Variants in FGF13 observed in about 807,000 individuals in gnomAD.
The protein encoded by FGF13 is fibroblast growth factor homologous factor 2.
A neutral mutation model predicts 19.5 loss-of-function variants in FGF13; 2 were observed. The ratio of observed to expected loss-of-function variants is 0.10; its 90% CI spans 0.04 to 0.32. FGF13 has a LOEUF of 0.32. FGF13 is among the 10% of genes least tolerant of loss of function. FGF13 has a pLI of 1.00. For synonymous variants in FGF13, 72 were observed against 76.9 expected (o/e 0.94, Z 0.33); for missense variants, 113 against 192.7 (o/e 0.59, Z 2.45).
chrX:139,189,730 T>C (rs745742042), intron 1 of FGF13, among the ~76,000 whole-genome samples: 25 of 112,013 alleles, frequency 2.2e-4, no homozygotes, highest in Non-Finnish European at 4.5e-4. Flanking sequence ...TTTTGTGAGA[T>C]AACGTTCTGA....
chrX:139,177,855 T>C (rs1335936828), intron 1 of FGF13, among the ~76,000 whole-genome samples: 1 of 112,302 alleles, frequency 8.9e-6, no homozygotes, highest in Non-Finnish European at 1.9e-5. Context: ...GCCCTGGTTG[T>C]TTAGGCACCC....
intron 3 of FGF13, among the ~76,000 whole-genome samples, chrX:138,695,143 G>A (rs1265425828): frequency 9.0e-6 from 1 of 110,920 alleles, no homozygotes; most frequent in Admixed American, 9.7e-5. Context: ...CTCCAGATGT[G>A]ATACCCTAAG....
At chrX:138,942,448 A>T (rs1433112623) in intron 1 of FGF13, among the ~76,000 whole-genome samples, 1 of 112,110 alleles carries the variant, frequency 8.9e-6, no homozygotes, top group African/African-American at 3.2e-5. Context: ...GATGCCTTAG[A>T]GGCAGCCTAC....
At chrX:138,783,824 C>T (rs1387224582) in intron 3 of FGF13, among the ~76,000 whole-genome samples, 3 of 110,027 alleles carry the variant, frequency 2.7e-5, no homozygotes, top group Non-Finnish European at 5.7e-5. Flanking sequence ...GGTATATACC[C>T]AAAGGACTAT....
intron 1 of FGF13, among the ~76,000 whole-genome samples, chrX:139,177,238 C>CTTT (rs35867493): frequency 0.32 from 15,670 of 48,758 alleles, 2,947 homozygotes; most frequent in African/African-American, 0.37. Flanking sequence ...GCAACCCCTG[C>CTTT]TTTTTTTTTT....
intron 1 of FGF13, among the ~76,000 whole-genome samples, chrX:138,738,022 G>A (rs1482255313): frequency 8.9e-6 from 1 of 111,847 alleles, no homozygotes; most frequent in Non-Finnish European, 1.9e-5. Flanking sequence ...TCAATTTTAT[G>A]GGGAAACCAA....
At chrX:139,157,034 GA>G (rs1038062805) in intron 1 of FGF13, among the ~76,000 whole-genome samples, 7 of 111,578 alleles carry the variant, frequency 6.3e-5, no homozygotes, top group African/African-American at 2.3e-4. Context: ...TATAAGAAGA[GA>G]ATGGAAAGGA....
intron 1 of FGF13, among the ~76,000 whole-genome samples, chrX:139,014,982 T>C (rs2092146879): frequency 9.0e-6 from 1 of 111,516 alleles, no homozygotes; most frequent in Admixed American, 9.5e-5. Flanking sequence ...ATCATTTCAA[T>C]TGATGCAGAA....
chrX:138,988,470 A>G (rs1345167651), intron 1 of FGF13, among the ~76,000 whole-genome samples: 1 of 112,517 alleles, frequency 8.9e-6, no homozygotes, highest in Non-Finnish European at 1.9e-5. Flanking sequence ...CATGTTCTAT[A>G]AAAATGTAGG....
At chrX:139,154,139 C>T (rs1354844652) in intron 1 of FGF13, among the ~76,000 whole-genome samples, 1 of 111,746 alleles carries the variant, frequency 8.9e-6, no homozygotes. Flanking sequence ...TGAAATCTAA[C>T]ACCCCATGAC....
At position 139,012,222 on chromosome X, in the gene FGF13, A is replaced by T. The variant is rs922134673; in HGVS notation, c.-112-147572T>A. On this transcript the variant is annotated intron_variant, in intron 1 of 2. Coordinates refer to the FGF13 transcript ENST00000421460. ...ACACAAACAAATAGAAACACATCCC[A>T]TTCTCATAAATGGGTAGAATCAATA... 1.6e-4 allele frequency among the ~76,000 whole-genome samples: 18 copies of T among 112,332 alleles called. 1 individual carries two copies. The highest frequency in any genetic ancestry group is 1.6e-3 in the Admixed American group (17 of 10,627).
intron 1 of FGF13, among the ~76,000 whole-genome samples, chrX:138,894,616 T>A (rs998242268): frequency 2.7e-5 from 3 of 111,116 alleles, no homozygotes; most frequent in Non-Finnish European, 5.7e-5. Context: ...CAGGAAGAAG[T>A]TGAATCCCTG....
At chrX:138,907,911 C>T (rs1422047270) in intron 1 of FGF13, among the ~76,000 whole-genome samples, 1 of 110,804 alleles carries the variant, frequency 9.0e-6, no homozygotes, top group Non-Finnish European at 1.9e-5. Context: ...GTCAGAAGAC[C>T]TGAGTTTTAA....
intron 1 of FGF13, among the ~76,000 whole-genome samples, chrX:138,872,335 T>A (rs928459090): frequency 6.2e-5 from 7 of 112,147 alleles, no homozygotes; most frequent in Admixed American, 3.8e-4. Flanking sequence ...TCCTGTGGTG[T>A]CTCATTGCAC....
At chrX:138,678,990 G>A (rs991904919) in intron 3 of FGF13, among the ~76,000 whole-genome samples, 3 of 112,192 alleles carry the variant, frequency 2.7e-5, no homozygotes, top group African/African-American at 9.7e-5. Context: ...CAGCCACGGT[G>A]ATGGGATGCA....
intron 3 of FGF13, among the ~76,000 whole-genome samples, chrX:138,807,604 A>G (rs1326439540): frequency 2.7e-5 from 3 of 111,984 alleles, no homozygotes; most frequent in African/African-American, 6.5e-5. Flanking sequence ...TATTAACATT[A>G]ACTGTAAATG....
intron 1 of FGF13, among the ~76,000 whole-genome samples, chrX:139,076,755 G>C (rs1180141293): frequency 8.9e-6 from 1 of 112,150 alleles, no homozygotes; most frequent in Non-Finnish European, 1.9e-5. Context: ...CGTTGGGAAA[G>C]AAGGAAAGTT....
At position 138,629,808 on chromosome X, in the gene FGF13, C is replaced by CA. The variant is rs2089097781; in HGVS notation, c.*3041dup. The CA allele has an allele frequency of 8.9e-6, 1 of 111,783 alleles. No individual in the cohort carries two copies. The highest frequency in any genetic ancestry group is 3.7e-4 in the South Asian group (1 of 2,704). The allele number at this position is 111,783 out of a possible 1,213,427, so 9.2% of individuals were successfully genotyped here. A position where few individuals can be genotyped will look rare whatever the true frequency, so the allele number is the denominator to read the frequency against. ...GTTTTGGGCCCACACAAGACTCACT[C>CA]AATCAGAAACTCTGAAGGTGAAGTC... On this transcript the variant is annotated 3_prime_UTR_variant, in exon 5 of 5. Coordinates refer to ENST00000315930, the MANE Select transcript of FGF13 (RefSeq NM_004114.5).
At chrX:138,877,615 C>T (rs895397217) in intron 1 of FGF13, among the ~76,000 whole-genome samples, 1 of 111,988 alleles carries the variant, frequency 8.9e-6, no homozygotes, top group Non-Finnish European at 1.9e-5. Context: ...CCCCCAGCCC[C>T]TAGTAGCATA....
Sources: gnomAD v4.1 joint callset for allele counts (sites outside exome capture counted in the v4.1 genomes callset) on GRCh38, gnomAD v4.1.1 for gene constraint, MANE v1.5 for transcripts, NCBI Gene and HGNC (gene_info 2026-07-23, HGNC 2026-07-21) for gene names.